Variants in GCN1 observed in about 807,000 individuals in gnomAD.
GCN1 encodes GCN1 activator of EIF2AK4.
GCN1 carries 90 observed loss-of-function variants against 288.4 expected under a neutral mutation model. The ratio of observed to expected loss-of-function variants is 0.31; its 90% CI spans 0.26 to 0.37. The LOEUF (loss-of-function observed/expected upper bound fraction) is 0.37, where lower values mean the gene tolerates loss of function less well. GCN1 is among the 10% of genes least tolerant of loss of function. The pLI, the probability that GCN1 is intolerant of heterozygous loss-of-function variation, is 1.00. For synonymous variants in GCN1, 1,386 were observed against 1,420.2 expected, an observed-to-expected ratio of 0.98 and a Z score of 0.54; for missense variants, 2,586 against 3,419.9, an observed-to-expected ratio of 0.76 and a Z score of 6.08.
At position 120,151,395 on chromosome 12, in the gene GCN1, G is replaced by C. The variant is rs1419153424; in HGVS notation, c.4063-4C>G. 7 of 1,612,806 alleles carry C rather than the reference G, an allele frequency of 4.3e-6. No individual in the cohort carries two copies. The highest frequency in any genetic ancestry group is 5.9e-6 in the Non-Finnish European group (7 of 1,179,968). On this transcript the variant is annotated splice_region_variant and splice_polypyrimidine_tract_variant and intron_variant, in intron 33 of 57. Transcript: ENST00000300648. The stretch of plus-strand genomic sequence containing the variant: ...AGCTGGCTACGGACTCCTGGACCTG[G>C]GGAAGGGCCCACCTGTCAATGCTGT...
intron 38 of GCN1, 102 bp from the exon 39 acceptor site, chr12:120,145,432 G>A: frequency 1.2e-6 from 1 of 833,480 alleles, no homozygotes. Flanking sequence ...GGCAAGGAGT[G>A]CTTGGCAGGG....
At chr12:120,182,331 C>T (rs1041265588) in intron 5 of GCN1, among the ~76,000 whole-genome samples, 4 of 152,158 alleles carry the variant, frequency 2.6e-5, no homozygotes, top group African/African-American at 9.7e-5. Flanking sequence ...TCTAATCCAT[C>T]ATCAATCAAT....
At chr12:120,184,691 T>G in intron 3 of GCN1, 133 bp downstream of exon 3, 1 of 720,944 alleles carries the variant, frequency 1.4e-6, no homozygotes, top group Non-Finnish European at 2.5e-6. Context: ...TTGCCCAGGA[T>G]CTAATGGCTA....
rs760492411 is a variant in GCN1, at chr12:120,155,607, C to T, written c.3425G>A (p.Arg1142Gln). 1.2e-5 allele frequency: 19 copies of T among 1,613,938 alleles called. No homozygotes were observed. The highest frequency in any genetic ancestry group is 2.2e-5 in the East Asian group (1 of 44,902). Residue 1142 changes from arginine (R) to glutamine (Q), a missense_variant, in exon 29 of 58, where the codon CGG becomes CAG. By Grantham distance (43) the Arg-to-Gln change is conservative. Coordinates refer to ENST00000300648, the MANE Select transcript of GCN1 (RefSeq NM_006836.2). The surrounding 1 kb of genome is among the most constrained non-coding windows in gnomAD (Gnocchi z 4.9). The stretch of plus-strand genomic sequence containing the variant: ...GCTCTCTCACCTCTCAGCCAGCTTC[C>T]GGATCTCCTCCTCCTTGTCAAACTT... ...VVKFDKEEEI[R>Q]KLAERLWSMM...
In GCN1 at chr12:120,137,008, G is replaced by A. The variant is rs201125286; in HGVS notation, c.6777+198C>T. ...CACTCTGGCCAAGGTGACCTGCAGA[G>A]CTTAAACCAAAGGCAGCATGAACCC... is the stretch of plus-strand genomic sequence containing the variant. On this transcript the variant is annotated intron_variant, in intron 50 of 57. Coordinates refer to ENST00000300648, the MANE Select transcript of GCN1 (RefSeq NM_006836.2). This position sits in a 1 kb window ranked among gnomAD's most constrained non-coding sequence, Gnocchi z 5.2. Among the ~76,000 whole-genome samples, 12 of 152,304 alleles carry A rather than the reference G, an allele frequency of 7.9e-5. 1 individual carries two copies. The East Asian group carries it at 2.3e-3, about 29-fold the overall frequency.
In GCN1 at chr12:120,136,696, C is replaced by T. The variant is rs933405209; in HGVS notation, c.6814G>A (p.Val2272Ile). Residue 2272 changes from valine to isoleucine, a missense_variant, in exon 51 of 58, where the codon GTC (valine) becomes ATC (isoleucine). Around this residue, in one of 8 missense-constraint regions of GCN1, gnomAD observed 437 missense variants for 570.5 expected, o/e 0.77. Transcript: ENST00000300648. ...TSILPVLREG[V>I]LTGSPEQKEE... ...TTCTGCTCAGGGCTGCCAGTCAGGA[C>T]TCCTTCCCGCAACACTGGAAGGATG... 9.3e-6 allele frequency: 15 copies of T among 1,613,948 alleles called. No individual in the cohort carries two copies. The highest frequency in any genetic ancestry group is 1.7e-5 in the Admixed American group (1 of 60,032).
rs1877809380 is a variant in GCN1, at chr12:120,158,061, C to T, written c.2906-31G>A. 6.2e-7 allele frequency: 1 copy of T among 1,605,680 alleles called. No homozygotes were observed. ...AGAGCGAGAAGCAGATAAGATTCTGCAGGCAGGGCAGGGACCCGGGCCACT... is the reference window on the plus strand; with the variant it reads ...AGAGCGAGAAGCAGATAAGATTCTGTAGGCAGGGCAGGGACCCGGGCCACT... On this transcript the variant is annotated intron_variant, in intron 25 of 57. Transcript: ENST00000300648. The surrounding 1 kb of genome is among the most constrained non-coding windows in gnomAD (Gnocchi z 4.3).
Position 120,183,577 on chromosome 12 carries a change from T to G in GCN1, c.418A>C (p.Asn140His). Residue 140 changes from asparagine to histidine, a missense_variant, in exon 5 of 58, where the codon AAC becomes CAC. Asn to His is a moderately conservative substitution (Grantham distance 68). Around this residue, in one of 8 missense-constraint regions of GCN1, gnomAD observed 913 missense variants for 1,107.0 expected, o/e 0.82. Transcript: ENST00000300648. ...AGACACAGGGAACCTACCAGTTTGT[T>G]CCAGATGTCTCCTTGTCGCTTGGCT... ...SRAKRQGDIW[N>H]KLVEVQCLLL... is the part of the protein sequence containing the mutation. 1 of 1,600,240 alleles carries G rather than the reference T, an allele frequency of 6.2e-7. No individual in the cohort carries two copies. Among genetic ancestry groups the G allele is most frequent in the African/African-American group, 1.3e-5 (1 of 74,696 alleles).
intron 38 of GCN1, among the ~76,000 whole-genome samples, chr12:120,146,377 GT>G (rs958824011): frequency 1.3e-5 from 2 of 151,620 alleles, no homozygotes; most frequent in African/African-American, 4.9e-5. Flanking sequence ...TTAAGACAGG[GT>G]CTTGCTCTGT....
chr12:120,169,745 G>A (rs1306277936), intron 15 of GCN1, among the ~76,000 whole-genome samples: 5 of 152,286 alleles, frequency 3.3e-5, no homozygotes, highest in South Asian at 2.1e-4. Context: ...TTCGTGATCC[G>A]CCTGCCTCGG....
Position 120,161,575 on chromosome 12 carries a change from T to C in GCN1, c.2351A>G (p.Gln784Arg), listed in dbSNP as rs2139115155. Reference sequence around the variant, plus strand: ...CATGTTGGCCTTTTTTATGCTGTCCTGCTGGGCACTGAAACACCAGAGTGG... The same window carrying C: ...CATGTTGGCCTTTTTTATGCTGTCCCGCTGGGCACTGAAACACCAGAGTGG... The part of the protein sequence containing the change: ...YDKSIIQSAQ[Q>R]DSIKKANMKR... The change falls in exon 22 of 58, where the codon CAG becomes CGG. Residue 784 changes from glutamine (Q) to arginine (R), a missense_variant. By Grantham distance (43) the Gln-to-Arg change is conservative (BLOSUM62 1). Around this residue, in one of 8 missense-constraint regions of GCN1, gnomAD observed 913 missense variants for 1,107.0 expected, o/e 0.82. Transcript: ENST00000300648. The C allele has an allele frequency of 6.2e-7, 1 of 1,612,510 alleles. No homozygotes were observed.
intron 7 of GCN1, among the ~76,000 whole-genome samples, chr12:120,178,193 T>C (rs1179427613): frequency 2.0e-5 from 3 of 152,230 alleles, no homozygotes; most frequent in Non-Finnish European, 2.9e-5. Context: ...CCTTCCGTTG[T>C]GGAGTCTCAC....
At chr12:120,130,515 G>A (rs1028221081) in intron 56 of GCN1, 131 bp downstream of exon 56, 5 of 659,896 alleles carry the variant, frequency 7.6e-6, no homozygotes, top group Middle Eastern at 2.6e-4. Flanking sequence ...AGTGTTCAGC[G>A]ATCTCCTGGA....
chr12:120,182,823 C>G (rs1049979303), intron 5 of GCN1, among the ~76,000 whole-genome samples: 31 of 151,844 alleles, frequency 2.0e-4, no homozygotes, highest in African/African-American at 9.7e-5. Context: ...ACCTGTAATC[C>G]CAGCCACTCG....
intron 56 of GCN1, 72 bp downstream of exon 56, chr12:120,130,574 G>A (rs944943435): frequency 2.1e-6 from 2 of 974,350 alleles, no homozygotes; most frequent in African/African-American, 1.6e-5. Flanking sequence ...CGCACTGCTG[G>A]TGGTCTCTGA....
intron 15 of GCN1, 56 bp downstream of exon 15, chr12:120,170,113 A>C: frequency 2.0e-6 from 3 of 1,493,030 alleles, no homozygotes; most frequent in Non-Finnish European, 2.8e-6. Flanking sequence ...ACACCTCCCA[A>C]GGACTCTTGT....
chr12:120,131,246 C>G lies in GCN1; in HGVS notation c.7502G>C (p.Cys2501Ser). The part of the protein sequence containing the change: ...VAVNVAPGRL[C>S]AGRYSSDVQE... The stretch of plus-strand genomic sequence containing the variant: ...AACATCACTGCTATATCTGCCGGCA[C>G]AAAGTCTGCCAGGAGCCACATTCAC... Residue 2501 changes from cysteine to serine, a missense_variant, in exon 55 of 58, where the codon TGT (cysteine) becomes TCT (serine). This residue lies in a region of GCN1 where 355 missense variants were observed against 431.1 expected (regional missense o/e 0.82). Coordinates refer to ENST00000300648, the MANE Select transcript of GCN1 (RefSeq NM_006836.2). 1 of 1,614,096 alleles carries G rather than the reference C, an allele frequency of 6.2e-7. No homozygotes were observed. The highest frequency in any genetic ancestry group is 8.5e-7 in the Non-Finnish European group (1 of 1,179,980).
chr12:120,178,657 G>C lies in GCN1; in HGVS notation c.628C>G (p.His210Asp). The change falls in exon 7 of 58, where the codon CAC becomes GAC. Residue 210 changes from histidine to aspartate, a missense_variant. By Grantham distance (81) the His-to-Asp change is moderately conservative (BLOSUM62 -1). Transcript: ENST00000300648. ...LGLLVQFCTS[H>D]KEMDVVSQHK... ...TGACTGACCACGTCCATCTCCTTGT[G>C]ACTCGTGCAGAACTGCACCAGCAGC... The C allele has an allele frequency of 6.2e-7, 1 of 1,614,214 alleles. No homozygotes were observed. Among genetic ancestry groups the C allele is most frequent in the East Asian group, 2.2e-5 (1 of 44,884 alleles).
At position 120,151,400 on chromosome 12, in the gene GCN1, G is replaced by A; in HGVS notation, c.4063-9C>T. The A allele has an allele frequency of 1.9e-6, 3 of 1,612,660 alleles. No individual in the cohort carries two copies. The highest frequency in any genetic ancestry group is 1.1e-5 in the South Asian group (1 of 91,020). On this transcript the variant is annotated splice_polypyrimidine_tract_variant and intron_variant, in intron 33 of 57. Transcript: ENST00000300648. ...GCTACGGACTCCTGGACCTGGGGAA[G>A]GGCCCACCTGTCAATGCTGTGGCTC...
Sources: allele counts gnomAD v4.1 joint callset (sites outside exome capture counted in the v4.1 genomes callset), GRCh38; gene constraint gnomAD v4.1.1; regional missense constraint gnomAD v4.1.1; non-coding constraint Gnocchi (gnomAD v3.1); transcripts MANE v1.5; gene names NCBI Gene and HGNC (gene_info 2026-07-23, HGNC 2026-07-21).